NPAS3: variants seen among roughly 807,000 people sequenced by gnomAD.
NPAS3 encodes the protein neuronal PAS domain-containing protein 3.
Under a neutral mutation model 73.1 loss-of-function variants are expected in NPAS3, and 14 were observed. The ratio of observed to expected loss-of-function variants is 0.19; its 90% CI spans 0.13 to 0.30. NPAS3 has a LOEUF of 0.30. Among genes scored for constraint, NPAS3 ranks in the 10% least tolerant of loss-of-function variants. The pLI, the probability that NPAS3 is intolerant of heterozygous loss-of-function variation, is 1.00. For missense variants in NPAS3, 1,096 were observed against 1,250.0 expected, an observed-to-expected ratio of 0.88 and a Z score of 1.86; for synonymous variants, 620 against 541.5, an observed-to-expected ratio of 1.14 and a Z score of -2.01.
chr14:33,369,404 C>CAAAAAAAAAAAAAAAAAAAAAA (rs3058296), intron 4 of NPAS3, among the ~76,000 whole-genome samples: 13 of 90,940 alleles, frequency 1.4e-4, no homozygotes, highest in Non-Finnish European at 2.2e-4. Flanking sequence ...GCCTCATTTC[C>CAAAAAAAAAAAAAAAAAAAAAA]AAAAAAAAAA....
Position 33,616,640 on chromosome 14 carries a change from T to G in NPAS3, c.558+56430T>G, listed in dbSNP as rs140578619. Among the ~76,000 whole-genome samples, 22 of 152,324 alleles carry G rather than the reference T, an allele frequency of 1.4e-4. No homozygotes were observed. In the East Asian group the frequency reaches 4.2e-3, roughly 29 times the overall value. On this transcript the variant is annotated intron_variant, in intron 5 of 11. Transcript: ENST00000356141. ...TGATCCTGTGCTTTTTGTTGGAATC[T>G]CACTCTCAGCGCAGAGGGGCTGAGG...
At chr14:33,033,499 A>G (rs2040065924) in intron 1 of NPAS3, among the ~76,000 whole-genome samples, 1 of 152,078 alleles carries the variant, frequency 6.6e-6, no homozygotes, top group Non-Finnish European at 1.5e-5. Flanking sequence ...ATATATTTAT[A>G]TGCCTGTTTG....
intron 11 of NPAS3, among the ~76,000 whole-genome samples, chr14:33,799,085 C>T (rs8019048): frequency 0.61 from 92,015 of 151,742 alleles, 28,914 homozygotes; most frequent in East Asian, 0.74. Context: ...GGCAAGGTTG[C>T]AGTGAGCAGT....
intron 5 of NPAS3, among the ~76,000 whole-genome samples, chr14:33,625,311 A>G (rs138088076): frequency 6.6e-6 from 1 of 152,364 alleles, no homozygotes; most frequent in Admixed American, 6.5e-5. Flanking sequence ...CATAAACACG[A>G]TAACAGAGAC....
At chr14:33,640,160 T>C (rs1020466030) in intron 5 of NPAS3, among the ~76,000 whole-genome samples, 1 of 151,656 alleles carries the variant, frequency 6.6e-6, no homozygotes, top group Non-Finnish European at 1.5e-5. Flanking sequence ...AAGGTTGCAG[T>C]GAGCCGAGAT....
At chr14:33,042,974 T>C (rs1434834833) in intron 1 of NPAS3, among the ~76,000 whole-genome samples, 1 of 152,126 alleles carries the variant, frequency 6.6e-6, no homozygotes, top group African/African-American at 2.4e-5. Context: ...ATCTCAAATA[T>C]ACCCAGGAAA....
chr14:32,950,638 A>G (rs1399712595), intron 1 of NPAS3, among the ~76,000 whole-genome samples: 1 of 152,084 alleles, frequency 6.6e-6, no homozygotes, highest in Non-Finnish European at 1.5e-5. Context: ...AAAAGAAATA[A>G]TCTTCCCACA....
At chr14:33,357,052 T>A (rs1176895478) in intron 3 of NPAS3, among the ~76,000 whole-genome samples, 1 of 152,232 alleles carries the variant, frequency 6.6e-6, no homozygotes, top group Non-Finnish European at 1.5e-5. Flanking sequence ...AATCATAGCC[T>A]CTGTAGGTAT....
Position 33,800,596 on chromosome 14 carries a change from C to CG in NPAS3, c.2291dup (p.Gly765ArgfsTer88). 1 of 1,299,992 alleles carries CG rather than the reference C, an allele frequency of 7.7e-7. No individual in the cohort carries two copies. Among genetic ancestry groups the CG allele is most frequent in the Non-Finnish European group, 9.7e-7 (1 of 1,032,470 alleles). The allele number at this position is 1,299,992 out of a possible 1,614,324, so 80.5% of individuals were successfully genotyped here. On this transcript the variant is annotated frameshift_variant, in exon 12 of 12. Transcript: ENST00000356141. LOFTEE classifies it high-confidence loss of function. The surrounding 1 kb of genome is among the most constrained non-coding windows in gnomAD (Gnocchi z 6.5). ...CGCGGGACAAGCACCCCGGGAACGGCGGCGGGGGCGGGGGCGGGGGCGGCG... is the reference window on the plus strand; with the variant it reads ...CGCGGGACAAGCACCCCGGGAACGGCGGGCGGGGGCGGGGGCGGGGGCGGCG...
chr14:33,171,180 G>A (rs1462076780), intron 2 of NPAS3, among the ~76,000 whole-genome samples: 12 of 152,184 alleles, frequency 7.9e-5, no homozygotes, highest in South Asian at 2.1e-4. Context: ...CATTGTCAAC[G>A]AGCAATAATA....
intron 3 of NPAS3, among the ~76,000 whole-genome samples, chr14:33,277,229 C>G (rs1400263323): frequency 2.0e-5 from 3 of 152,148 alleles, no homozygotes; most frequent in Non-Finnish European, 2.9e-5. Flanking sequence ...CAGATATGCT[C>G]AAGTGTGGAG....
At chr14:33,544,467 G>GA (rs1234129137) in intron 4 of NPAS3, among the ~76,000 whole-genome samples, 1 of 152,018 alleles carries the variant, frequency 6.6e-6, no homozygotes, top group African/African-American at 2.4e-5. Context: ...ATAAGGTCTT[G>GA]ATCCAGTAGG....
At chr14:33,700,361 T>C (rs1185193365) in intron 6 of NPAS3, among the ~76,000 whole-genome samples, 5 of 152,204 alleles carry the variant, frequency 3.3e-5, no homozygotes, top group Admixed American at 3.3e-4. Context: ...TCCACCCTCC[T>C]GTGCCTGGAA....
At chr14:33,099,038 T>C (rs1005814349) in intron 2 of NPAS3, among the ~76,000 whole-genome samples, 2 of 152,148 alleles carry the variant, frequency 1.3e-5, no homozygotes, top group Non-Finnish European at 2.9e-5. Flanking sequence ...CCTTGCGGCC[T>C]TTTTCCAAGT....
chr14:33,414,038 C>G (rs956192082), intron 4 of NPAS3, among the ~76,000 whole-genome samples: 1 of 152,058 alleles, frequency 6.6e-6, no homozygotes, highest in African/African-American at 2.4e-5. Flanking sequence ...TTATTTTTCT[C>G]AGAATCAAGT....
intron 2 of NPAS3, among the ~76,000 whole-genome samples, chr14:33,181,443 A>G (rs2045796883): frequency 6.6e-6 from 1 of 152,234 alleles, no homozygotes; most frequent in Non-Finnish European, 1.5e-5. Context: ...TCAATTTTGC[A>G]TAGTGAGATA....
At chr14:33,715,646 C>G (rs1376647742) in intron 6 of NPAS3, among the ~76,000 whole-genome samples, 1 of 152,148 alleles carries the variant, frequency 6.6e-6, no homozygotes, top group Non-Finnish European at 1.5e-5. Flanking sequence ...CGATTCCAGC[C>G]TCCATCACAA....
chr14:33,037,864 C>T (rs1169434271), intron 1 of NPAS3, among the ~76,000 whole-genome samples: 1 of 152,120 alleles, frequency 6.6e-6, no homozygotes, highest in African/African-American at 2.4e-5. Context: ...TGATGTTCTT[C>T]CCAATAACTG....
chr14:33,680,753 A>G (rs2059912856), intron 6 of NPAS3: 2 of 661,196 alleles, frequency 3.0e-6, no homozygotes, highest in African/African-American at 1.8e-5. Context: ...GGGGAAAATC[A>G]ATACTGTACC....
Sources: allele counts gnomAD v4.1 joint callset (sites outside exome capture counted in the v4.1 genomes callset), GRCh38; gene constraint gnomAD v4.1.1; non-coding constraint Gnocchi (gnomAD v3.1); transcripts MANE v1.5; gene names NCBI Gene and HGNC (gene_info 2026-07-23, HGNC 2026-07-21).